The following SLC4A4 variants were observed in gnomAD, a reference collection of about 807,000 sequenced individuals.
The protein encoded by SLC4A4 is solute carrier family 4 member 4.
In SLC4A4, 27 loss-of-function variants were observed where a neutral mutation model predicts 111.5. The ratio of observed to expected loss-of-function variants is 0.24; its 90% CI spans 0.18 to 0.33. SLC4A4 has a LOEUF of 0.33. SLC4A4 is among the 10% of genes least tolerant of loss of function. The pLI is 1.00. For missense variants in SLC4A4, 909 were observed against 1,315.5 expected, an observed-to-expected ratio of 0.69 and a Z score of 4.78; for synonymous variants, 443 against 463.4, an observed-to-expected ratio of 0.96 and a Z score of 0.57.
At chr4:71,207,865 T>C (rs946595088) in intron 1 of SLC4A4, among the ~76,000 whole-genome samples, 1 of 152,312 alleles carries the variant, frequency 6.6e-6, no homozygotes, top group East Asian at 1.9e-4. Context: ...CAGGTTGGAG[T>C]GCAGTAGTGC....
chr4:71,165,344 A>T lies in SLC4A4; in HGVS notation c.-1-71232A>T, dbSNP rs576065570. 3.9e-5 allele frequency among the ~76,000 whole-genome samples: 6 copies of T among 152,370 alleles called. No homozygotes were observed. In the East Asian group the frequency reaches 1.2e-3, roughly 29 times the overall value. On this transcript the variant is annotated intron_variant, in intron 2 of 26. Coordinates refer to the SLC4A4 transcript ENST00000649996. ...ATGGTCTGGATAAAGAAAATGTGGC[A>T]CATATACACCATGTAATACTATGCA... is the stretch of plus-strand genomic sequence containing the variant.
intron 13 of SLC4A4, 31 bp from the exon 14 acceptor site, chr4:71,472,668 G>A (rs1201290560): frequency 4.4e-6 from 7 of 1,605,786 alleles, no homozygotes; most frequent in Non-Finnish European, 6.0e-6. Context: ...CAAGGAGGAG[G>A]AATCTAAACA....
chr4:71,213,672 T>C (rs2149014509), intron 1 of SLC4A4, among the ~76,000 whole-genome samples: 1 of 152,310 alleles, frequency 6.6e-6, no homozygotes, highest in Admixed American at 6.5e-5. Context: ...GTTGAAGCCC[T>C]AATTTCCAGT....
At chr4:71,475,950 C>A (rs1728329835) in intron 14 of SLC4A4, among the ~76,000 whole-genome samples, 1 of 151,772 alleles carries the variant, frequency 6.6e-6, no homozygotes, top group Non-Finnish European at 1.5e-5. Flanking sequence ...ATCCTTCCTT[C>A]TAGGCATACA....
chr4:71,178,253 T>C (rs1745158304), intron 2 of SLC4A4, among the ~76,000 whole-genome samples: 1 of 149,460 alleles, frequency 6.7e-6, no homozygotes, highest in African/African-American at 2.4e-5. Context: ...GACACCCTAA[T>C]GTGCACATGT....
At chr4:71,180,292 T>C (rs374163137) in intron 2 of SLC4A4, among the ~76,000 whole-genome samples, 6 of 152,004 alleles carry the variant, frequency 3.9e-5, no homozygotes, top group African/African-American at 1.4e-4. Flanking sequence ...TAGGCATGGG[T>C]AAGGACTTCA....
intron 3 of SLC4A4, among the ~76,000 whole-genome samples, chr4:71,334,109 G>T (rs1450729707): frequency 6.6e-6 from 1 of 152,062 alleles, no homozygotes; most frequent in Non-Finnish European, 1.5e-5. Flanking sequence ...CCACAGCTGG[G>T]AATGCACTGG....
At chr4:71,306,541 C>T (rs1200444949) in intron 3 of SLC4A4, among the ~76,000 whole-genome samples, 1 of 151,902 alleles carries the variant, frequency 6.6e-6, no homozygotes, top group Non-Finnish European at 1.5e-5. Context: ...TGAGATTGCG[C>T]CACTGCACTC....
intron 3 of SLC4A4, among the ~76,000 whole-genome samples, chr4:71,327,256 A>G (rs986925529): frequency 6.6e-6 from 1 of 152,160 alleles, no homozygotes; most frequent in South Asian, 2.1e-4. Context: ...CTTTCTGACT[A>G]TTTCATATGC....
intron 3 of SLC4A4, among the ~76,000 whole-genome samples, chr4:71,307,187 T>A (rs1725756420): frequency 6.6e-6 from 1 of 152,238 alleles, no homozygotes; most frequent in Non-Finnish European, 1.5e-5. Context: ...TGCTTAATGC[T>A]GCCTTAATTA....
intron 8 of SLC4A4, among the ~76,000 whole-genome samples, chr4:71,444,115 G>A (rs1421301648): frequency 6.6e-6 from 1 of 152,188 alleles, no homozygotes. Flanking sequence ...GCTAGAAATA[G>A]CTGTGATGTA....
chr4:71,205,999 A>T (rs1717740067), intron 1 of SLC4A4, among the ~76,000 whole-genome samples: 1 of 152,198 alleles, frequency 6.6e-6, no homozygotes, highest in South Asian at 2.1e-4. Flanking sequence ...GAGTGCTTTG[A>T]TAGCCTTTTT....
At position 71,151,463 on chromosome 4, in the gene SLC4A4, G is replaced by C. The variant is rs896512063; in HGVS notation, c.-2+58671G>C. Among the ~76,000 whole-genome samples, 11 of 151,870 alleles carry C rather than the reference G, an allele frequency of 7.2e-5. No individual in the cohort carries two copies. The South Asian group carries it at 2.3e-3, about 31-fold the overall frequency. On this transcript the variant is annotated intron_variant, in intron 2 of 26. Coordinates refer to the SLC4A4 transcript ENST00000649996. Reference sequence around the variant, plus strand: ...GTCTTCATTTTCTCTCTCTGACATAGCCTTTGTCATTTTTACCTTTAATGA... The same window carrying C: ...GTCTTCATTTTCTCTCTCTGACATACCCTTTGTCATTTTTACCTTTAATGA...
chr4:71,149,832 G>A (rs185539581), intron 2 of SLC4A4, among the ~76,000 whole-genome samples: 2 of 152,168 alleles, frequency 1.3e-5, no homozygotes, highest in Non-Finnish European at 2.9e-5. Flanking sequence ...AGTTTTATTG[G>A]CTTACTTTCA....
At chr4:71,141,555 C>T (rs1440558751) in intron 2 of SLC4A4, among the ~76,000 whole-genome samples, 1 of 152,100 alleles carries the variant, frequency 6.6e-6, no homozygotes, top group African/African-American at 2.4e-5. Flanking sequence ...TGGCTTGCTC[C>T]CTCTCACTTC....
At chr4:71,295,053 T>A (rs991437561) in intron 3 of SLC4A4, among the ~76,000 whole-genome samples, 3 of 152,190 alleles carry the variant, frequency 2.0e-5, no homozygotes, top group Non-Finnish European at 4.4e-5. Flanking sequence ...AGATGTTAAA[T>A]TTTTAGATAT....
rs577359058 is a variant in SLC4A4, at chr4:71,394,694, G to A, written c.731-2883G>A. On this transcript the variant is annotated intron_variant, in intron 6 of 25. Coordinates refer to ENST00000264485, the MANE Select transcript of SLC4A4 (RefSeq NM_001098484.3). Reference sequence around the variant, plus strand: ...CCAACTCGAATGCCCATCAGTCGACGAGTGGATAAAGAAACTGTGGTATAT... The same window carrying A: ...CCAACTCGAATGCCCATCAGTCGACAAGTGGATAAAGAAACTGTGGTATAT... Among the ~76,000 whole-genome samples, 7 of 152,222 alleles carry A rather than the reference G, an allele frequency of 4.6e-5. No homozygotes were observed. In the East Asian group the frequency reaches 7.7e-4, roughly 17 times the overall value.
At chr4:71,437,706 G>A (rs1360266520) in intron 7 of SLC4A4, 4 of 387,926 alleles carry the variant, frequency 1.0e-5, no homozygotes, top group Non-Finnish European at 1.0e-5. Flanking sequence ...TTCCTATAAT[G>A]GAGATCTTAT....
intron 6 of SLC4A4, among the ~76,000 whole-genome samples, chr4:71,368,604 C>T (rs116615960): frequency 1.1e-3 from 171 of 152,292 alleles, no homozygotes; most frequent in Non-Finnish European, 1.7e-3. Flanking sequence ...CTTACTAATA[C>T]GACACCCTGC....
Sources: allele counts gnomAD v4.1 joint callset (sites outside exome capture counted in the v4.1 genomes callset), GRCh38; gene constraint gnomAD v4.1.1; transcripts MANE v1.5; gene names NCBI Gene and HGNC (gene_info 2026-07-23, HGNC 2026-07-21).